Variants in SUGCT observed in about 807,000 individuals in gnomAD.
SUGCT encodes succinyl-CoA:glutarate-CoA transferase.
Under a neutral mutation model 55.0 loss-of-function variants are expected in SUGCT, and 41 were observed. The observed-to-expected ratio is 0.74, with a 90% CI of 0.58 to 0.97. The LOEUF is 0.97. Among genes scored for constraint, SUGCT ranks in the 50% least tolerant of loss-of-function variants. The pLI is 0.00. For missense variants in SUGCT, 568 were observed against 547.8 expected (o/e 1.04, Z -0.37); for synonymous variants, 187 against 200.4 (o/e 0.93, Z 0.56).
the SUGCT span, among the ~76,000 whole-genome samples, chr7:40,923,173 C>G: frequency 3.9e-5 from 6 of 152,202 alleles, no homozygotes; most frequent in Admixed American, 3.9e-4. Flanking sequence ...CCTGGGTGTG[C>G]ACCCTGTGGA....
chr7:40,654,684 G>A (rs969764247), intron 12 of SUGCT, among the ~76,000 whole-genome samples: 1 of 152,118 alleles, frequency 6.6e-6, no homozygotes, highest in Admixed American at 6.5e-5. Context: ...TGTCCCTAGG[G>A]GCTTTCAAAA....
At chr7:40,381,480 C>T (rs1213468936) in intron 9 of SUGCT, among the ~76,000 whole-genome samples, 24 of 151,226 alleles carry the variant, frequency 1.6e-4, no homozygotes, top group Non-Finnish European at 1.5e-5. Flanking sequence ...TAAAAGTCTT[C>T]AGAGCATTAC....
At chr7:40,259,722 T>A (rs1359711695) in intron 7 of SUGCT, among the ~76,000 whole-genome samples, 1 of 152,220 alleles carries the variant, frequency 6.6e-6, no homozygotes, top group African/African-American at 2.4e-5. Flanking sequence ...CCCACTCATA[T>A]ATCCACATTT....
chr7:40,741,074 T>A (rs1384429617), intron 12 of SUGCT, among the ~76,000 whole-genome samples: 1 of 150,476 alleles, frequency 6.6e-6, no homozygotes, highest in East Asian at 2.0e-4. Context: ...AGGCCAGGAG[T>A]TCAAGACTGT....
chr7:40,545,957 G>A (rs1008505683), intron 12 of SUGCT, among the ~76,000 whole-genome samples: 2 of 152,154 alleles, frequency 1.3e-5, no homozygotes, highest in Non-Finnish European at 2.9e-5. Context: ...TGATCAGATA[G>A]GCTCAGTCAT....
chr7:40,239,357 G>A (rs1034813096), intron 7 of SUGCT, among the ~76,000 whole-genome samples: 2 of 152,158 alleles, frequency 1.3e-5, no homozygotes, highest in Non-Finnish European at 2.9e-5. Flanking sequence ...ACAGGCATGA[G>A]CTGCTGTACC....
chr7:40,142,803 G>A (rs1021241311), intron 1 of SUGCT, among the ~76,000 whole-genome samples: 1 of 152,200 alleles, frequency 6.6e-6, no homozygotes, highest in Non-Finnish European at 1.5e-5. Flanking sequence ...CTAATATCAT[G>A]TCTAAGGCTA....
chr7:40,910,597 AAG>A, the SUGCT span, among the ~76,000 whole-genome samples: 1 of 152,306 alleles, frequency 6.6e-6, no homozygotes, highest in Non-Finnish European at 1.5e-5. Flanking sequence ...AGTACTGATC[AAG>A]GATTCCAGTG....
At chr7:40,919,434 T>G in the SUGCT span, among the ~76,000 whole-genome samples, 1 of 152,220 alleles carries the variant, frequency 6.6e-6, no homozygotes. Flanking sequence ...CAGAAAGTCC[T>G]ATTCATTTTA....
chr7:40,427,932 A>AT (rs1787674288), intron 9 of SUGCT, among the ~76,000 whole-genome samples: 1 of 152,136 alleles, frequency 6.6e-6, no homozygotes, highest in South Asian at 2.1e-4. Flanking sequence ...AGGTACATTT[A>AT]TTCCATAGTG....
chr7:40,175,456 G>A (rs1187733458), intron 1 of SUGCT, among the ~76,000 whole-genome samples: 1 of 152,162 alleles, frequency 6.6e-6, no homozygotes, highest in Non-Finnish European at 1.5e-5. Flanking sequence ...CTGACCTTAA[G>A]TGATCCGCCT....
intron 13 of SUGCT, among the ~76,000 whole-genome samples, chr7:40,807,057 A>C (rs1247466641): frequency 2.0e-5 from 3 of 152,214 alleles, no homozygotes; most frequent in Non-Finnish European, 4.4e-5. Flanking sequence ...AATGTTCATT[A>C]CTCAAAAGAT....
chr7:40,654,396 G>T (rs538612009), intron 12 of SUGCT, among the ~76,000 whole-genome samples: 1 of 152,264 alleles, frequency 6.6e-6, no homozygotes, highest in East Asian at 1.9e-4. Context: ...ATTACATTTT[G>T]ATGTGCCCTT....
At chr7:40,898,721 C>T in the SUGCT span, among the ~76,000 whole-genome samples, 6 of 151,932 alleles carry the variant, frequency 3.9e-5, no homozygotes, top group Admixed American at 3.9e-4. Flanking sequence ...GAACACTTAC[C>T]ACGAGGGTAC....
chr7:40,448,743 G>A (rs1157386414), intron 9 of SUGCT, among the ~76,000 whole-genome samples: 2 of 152,110 alleles, frequency 1.3e-5, no homozygotes, highest in African/African-American at 4.8e-5. Flanking sequence ...TACACAGGAG[G>A]CTGGGGCAGG....
At chr7:40,911,311 C>T in the SUGCT span, among the ~76,000 whole-genome samples, 1 of 152,144 alleles carries the variant, frequency 6.6e-6, no homozygotes, top group Non-Finnish European at 1.5e-5. Flanking sequence ...TGGAAATACT[C>T]TTCTGAACTT....
chr7:40,742,688 C>T (rs1172318444), intron 12 of SUGCT, among the ~76,000 whole-genome samples: 1 of 152,074 alleles, frequency 6.6e-6, no homozygotes, highest in Non-Finnish European at 1.5e-5. Flanking sequence ...TTGCGGACCC[C>T]TGATGTAAGT....
chr7:40,896,518 C>T, the SUGCT span, among the ~76,000 whole-genome samples: 1 of 152,132 alleles, frequency 6.6e-6, no homozygotes, highest in African/African-American at 2.4e-5. Flanking sequence ...CGGTTACCCC[C>T]CATGCTGCTG....
intron 9 of SUGCT, among the ~76,000 whole-genome samples, chr7:40,373,145 C>G (rs1784368835): frequency 1.3e-5 from 2 of 151,934 alleles, no homozygotes; most frequent in East Asian, 3.9e-4. Context: ...CTACAAATTC[C>G]TAGAATATGT....
Sources: gnomAD v4.1 joint callset for allele counts (sites outside exome capture counted in the v4.1 genomes callset) on GRCh38, gnomAD v4.1.1 for gene constraint, MANE v1.5 for transcripts, NCBI Gene and HGNC (gene_info 2026-07-23, HGNC 2026-07-21) for gene names.